Variants in SORCS2 observed in about 807,000 individuals in gnomAD.
SORCS2 encodes the protein sortilin related VPS10 domain containing receptor 2.
Under a neutral mutation model 141.6 loss-of-function variants are expected in SORCS2, and 100 were observed. That is an observed-to-expected ratio of 0.71 (90% confidence interval 0.60 to 0.83). SORCS2 has a LOEUF of 0.83. Ranked by LOEUF, SORCS2 falls within the 40% of genes least tolerant of loss-of-function variation. The pLI is 0.00. For synonymous variants in SORCS2, 789 were observed against 676.9 expected (o/e 1.17, Z -2.57); for missense variants, 1,646 against 1,560.2 (o/e 1.05, Z -0.93).
chr4:7,579,399 C>G (rs561101678), intron 3 of SORCS2, among the ~76,000 whole-genome samples: 35 of 152,268 alleles, frequency 2.3e-4, no homozygotes, highest in African/African-American at 8.2e-4. Flanking sequence ...TCATCATAGT[C>G]TCACAGTATT....
rs558326267 is a variant in SORCS2 at position 7,500,162 on chromosome 4, C to T, written c.549-31368C>T. On this transcript the variant is annotated intron_variant, in intron 2 of 26. Transcript: ENST00000507866. ...CGGAGCACACCCCTGCCCGGTGGTA[C>T]GTCCAGCTCCCACCTATCAGCTCCC... 3.7e-3 allele frequency among the ~76,000 whole-genome samples: 567 copies of T among 152,280 alleles called. 2 individuals carry two copies. Among genetic ancestry groups the T allele is most frequent in the Middle Eastern group, 0.01 (3 of 294 alleles).
intron 11 of SORCS2, 31 bp from the exon 12 acceptor site, chr4:7,697,167 G>T: frequency 6.5e-7 from 1 of 1,546,570 alleles, no homozygotes; most frequent in South Asian, 1.2e-5. Flanking sequence ...ACGATCCTAA[G>T]GGTAGTACTG....
chr4:7,737,438 C>A (rs867686736), intron 26 of SORCS2, among the ~76,000 whole-genome samples: 1 of 152,122 alleles, frequency 6.6e-6, no homozygotes, highest in Non-Finnish European at 1.5e-5. Context: ...GACCAAAAGC[C>A]CCCGACAGCC....
chr4:7,592,033 GA>G (rs971378928), intron 3 of SORCS2, among the ~76,000 whole-genome samples: 1 of 152,168 alleles, frequency 6.6e-6, no homozygotes, highest in African/African-American at 2.4e-5. Context: ...GAGCAGCTAG[GA>G]AAGCGCCGAG....
At position 7,192,737 on chromosome 4, in the gene SORCS2, C is replaced by A; in HGVS notation, c.91C>A (p.Pro31Thr). The A allele has an allele frequency of 3.0e-6, 3 of 993,284 alleles. No homozygotes were observed. Among genetic ancestry groups the A allele is most frequent in the Non-Finnish European group, 3.6e-6 (3 of 836,852 alleles). The allele number at this position is 993,284 out of a possible 1,614,324, so 61.5% of individuals were successfully genotyped here. A position where few individuals can be genotyped will look rare whatever the true frequency, so the allele number is the denominator to read the frequency against. The change falls in exon 1 of 27, where the codon CCG becomes ACG. Residue 31 changes from proline (P) to threonine (T), a missense_variant. Transcript: ENST00000507866. This position sits in a 1 kb window ranked among gnomAD's most constrained non-coding sequence, Gnocchi z 4.0. ...SPGAPPPPRS[P>T]RSRPLLLLLL... The stretch of plus-strand genomic sequence containing the variant: ...CGGGGCTCCGCCGCCGCCGCGCTCG[C>A]CGCGCTCGCGGCCGCTCCTGCTGCT...
chr4:7,668,974 C>T (rs1419599931), intron 8 of SORCS2, among the ~76,000 whole-genome samples: 1 of 152,172 alleles, frequency 6.6e-6, no homozygotes, highest in Non-Finnish European at 1.5e-5. Context: ...CAAGGGTGCT[C>T]TAAGGAGCCT....
intron 14 of SORCS2, among the ~76,000 whole-genome samples, chr4:7,706,183 G>A (rs1321024744): frequency 1.8e-4 from 23 of 128,282 alleles, no homozygotes; most frequent in Non-Finnish European, 2.2e-4. Context: ...GATGAGGCTG[G>A]GCTCCGTCTG....
At chr4:7,371,171 G>A (rs375967800) in intron 1 of SORCS2, among the ~76,000 whole-genome samples, 114 of 152,316 alleles carry the variant, frequency 7.5e-4, no homozygotes, top group African/African-American at 2.5e-3. Context: ...GGGTGCAGGT[G>A]TCCCCCTCAA....
At chr4:7,348,355 T>C (rs1720754965) in intron 1 of SORCS2, among the ~76,000 whole-genome samples, 1 of 152,242 alleles carries the variant, frequency 6.6e-6, no homozygotes, top group Admixed American at 6.5e-5. Context: ...CTCTGATTTC[T>C]TGAGGGCTTA....
At position 7,676,108 on chromosome 4, in the gene SORCS2, A is replaced by T; in HGVS notation, c.1220A>T (p.Tyr407Phe). ...SQVFVAVQEWYQMDTYNLYQS... is the reference protein window; with the variant it reads ...SQVFVAVQEWFQMDTYNLYQS... Reference sequence around the variant, plus strand: ...GTGTTCGTGGCGGTGCAGGAGTGGTACCAGATGGACACCTACAACCTGTAC... The same window carrying T: ...GTGTTCGTGGCGGTGCAGGAGTGGTTCCAGATGGACACCTACAACCTGTAC... The change falls in exon 9 of 27, where the codon TAC (tyrosine) becomes TTC (phenylalanine). Residue 407 changes from tyrosine (Y) to phenylalanine (F), a missense_variant. Tyr to Phe is a conservative substitution (Grantham distance 22). Transcript: ENST00000507866. The T allele has an allele frequency of 1.3e-6, 2 of 1,585,790 alleles. No homozygotes were observed. The highest frequency in any genetic ancestry group is 8.6e-7 in the Non-Finnish European group (1 of 1,164,462).
At chr4:7,571,930 C>T (rs944082528) in intron 3 of SORCS2, among the ~76,000 whole-genome samples, 1 of 152,194 alleles carries the variant, frequency 6.6e-6, no homozygotes, top group Non-Finnish European at 1.5e-5. Context: ...GTCATCCGCT[C>T]AACTCAGCAA....
At chr4:7,332,519 C>T (rs535399288) in intron 1 of SORCS2, among the ~76,000 whole-genome samples, 24 of 152,314 alleles carry the variant, frequency 1.6e-4, no homozygotes, top group Admixed American at 7.8e-4. Context: ...CTGTGACCCC[C>T]GACCCTGGCC....
intron 3 of SORCS2, among the ~76,000 whole-genome samples, chr4:7,536,169 C>T (rs1419374960): frequency 6.6e-6 from 1 of 152,224 alleles, no homozygotes; most frequent in African/African-American, 2.4e-5. Context: ...CTCTAGGCAG[C>T]AGGCTCCACT....
intron 2 of SORCS2, chr4:7,434,595 A>G (rs771657075): frequency 5.0e-6 from 8 of 1,613,364 alleles, no homozygotes; most frequent in African/African-American, 2.7e-5. Flanking sequence ...GGAGCCACTC[A>G]CAGGTCTTCA....
At chr4:7,358,776 T>C (rs1189270503) in intron 1 of SORCS2, among the ~76,000 whole-genome samples, 2 of 152,246 alleles carry the variant, frequency 1.3e-5, no homozygotes, top group Non-Finnish European at 2.9e-5. Context: ...GAATGTCCCA[T>C]GGGCAATAGA....
rs1388777682 is a variant in SORCS2, at chr4:7,434,499, G to C, written c.548+38144G>C. 9 of 1,612,390 alleles carry C rather than the reference G, an allele frequency of 5.6e-6. 1 individual carries two copies. In the South Asian group the frequency reaches 9.9e-5, roughly 18 times the overall value. Reference sequence around the variant, plus strand: ...CTGTGCACACCTGTGCCGGGGCACTGTCCGGGGCCCCACGGAGCATGCTCA... The same window carrying C: ...CTGTGCACACCTGTGCCGGGGCACTCTCCGGGGCCCCACGGAGCATGCTCA... On this transcript the variant is annotated intron_variant, in intron 2 of 26. Transcript: ENST00000507866.
chr4:7,247,276 A>G (rs1481577713), intron 1 of SORCS2, among the ~76,000 whole-genome samples: 1 of 151,470 alleles, frequency 6.6e-6, no homozygotes, highest in Non-Finnish European at 1.5e-5. Context: ...TAAGAATTAC[A>G]TACTGTAAAC....
chr4:7,442,978 G>A (rs989262343), intron 2 of SORCS2, among the ~76,000 whole-genome samples: 3 of 152,168 alleles, frequency 2.0e-5, no homozygotes, highest in Non-Finnish European at 4.4e-5. Flanking sequence ...AATCTTCCCC[G>A]GGCCGGGGTT....
chr4:7,295,281 G>C (rs906388872), intron 1 of SORCS2, among the ~76,000 whole-genome samples: 2 of 144,916 alleles, frequency 1.4e-5, no homozygotes, highest in African/African-American at 5.2e-5. Context: ...AGGCGATTGT[G>C]CACAGCAGCC....
Sources: allele counts gnomAD v4.1 joint callset (sites outside exome capture counted in the v4.1 genomes callset), GRCh38; gene constraint gnomAD v4.1.1; non-coding constraint Gnocchi (gnomAD v3.1); transcripts MANE v1.5; gene names NCBI Gene and HGNC (gene_info 2026-07-23, HGNC 2026-07-21).